The following ANKRD17 variants were observed in gnomAD, a reference collection of about 807,000 sequenced individuals.
ANKRD17 encodes ankyrin repeat domain-containing protein 17.
A neutral mutation model predicts 229.7 loss-of-function variants in ANKRD17; 19 were observed. That is an observed-to-expected ratio of 0.08 (90% confidence interval 0.06 to 0.12). The LOEUF (loss-of-function observed/expected upper bound fraction) is 0.12, where lower values mean the gene tolerates loss of function less well. Ranked by LOEUF, ANKRD17 falls within the 10% of genes least tolerant of loss-of-function variation. The pLI, the probability that ANKRD17 is intolerant of heterozygous loss-of-function variation, is 1.00. For missense variants in ANKRD17, 2,176 were observed against 3,176.8 expected (o/e 0.68, Z 7.57); for synonymous variants, 1,112 against 1,146.1 (o/e 0.97, Z 0.60).
At chr4:73,143,748 TTTTTTG>T (rs886164349) in intron 11 of ANKRD17, among the ~76,000 whole-genome samples, 27 of 152,264 alleles carry the variant, frequency 1.8e-4, no homozygotes, top group Admixed American at 1.6e-3. Context: ...CCTACATCTT[TTTTTTG>T]TTTTGAGACA....
intron 1 of ANKRD17, among the ~76,000 whole-genome samples, chr4:73,179,488 G>GTGTATATATACATATATATA (rs1491132715): frequency 1.5e-4 from 7 of 48,240 alleles, no homozygotes; most frequent in African/African-American, 5.3e-4. Context: ...GTGTGTGTGT[G>GTGTATATATACATATATATA]TATATATATA....
At chr4:73,174,829 CAAATA>C (rs1376822059) in intron 2 of ANKRD17, among the ~76,000 whole-genome samples, 2 of 151,968 alleles carry the variant, frequency 1.3e-5, no homozygotes, top group African/African-American at 2.4e-5. Context: ...ACAATAGCTA[CAAATA>C]AAATAAAATA....
intron 24 of ANKRD17, among the ~76,000 whole-genome samples, chr4:73,105,991 A>AT (rs1724563746): frequency 6.6e-6 from 1 of 152,236 alleles, no homozygotes; most frequent in South Asian, 2.1e-4. Flanking sequence ...GTCCAGAGGC[A>AT]TAAGAAAATA....
chr4:73,208,117 A>T (rs868579635), intron 1 of ANKRD17, among the ~76,000 whole-genome samples: 1 of 132,002 alleles, frequency 7.6e-6, no homozygotes, highest in African/African-American at 2.9e-5. Flanking sequence ...TGAGCCCGGG[A>T]GGCGGAGCTT....
intron 6 of ANKRD17, among the ~76,000 whole-genome samples, chr4:73,151,787 C>T (rs1168543944): frequency 1.3e-5 from 2 of 152,116 alleles, no homozygotes; most frequent in South Asian, 4.1e-4. Flanking sequence ...AAATCCAACA[C>T]CCAAAATGTT....
chr4:73,151,189 T>G (rs1730960300), intron 7 of ANKRD17, among the ~76,000 whole-genome samples: 2 of 152,176 alleles, frequency 1.3e-5, no homozygotes, highest in Non-Finnish European at 2.9e-5. Flanking sequence ...TTTTCCTATT[T>G]CATATCCTCA....
chr4:73,126,986 ATTTAAC>A (rs889396880), intron 16 of ANKRD17, among the ~76,000 whole-genome samples: 4 of 151,692 alleles, frequency 2.6e-5, no homozygotes, highest in Non-Finnish European at 5.9e-5. Flanking sequence ...TTTAAATTGT[ATTTAAC>A]TTTAATTTAA....
intron 25 of ANKRD17, 116 bp from the exon 26 acceptor site, chr4:73,098,636 G>A (rs1723582865): frequency 9.9e-7 from 1 of 1,005,674 alleles, no homozygotes; most frequent in African/African-American, 1.6e-5. Context: ...TATTAGCCAT[G>A]TAAGTTATTC....
intron 2 of ANKRD17, 86 bp from the exon 3 acceptor site, chr4:73,161,434 T>A: frequency 7.3e-7 from 1 of 1,364,114 alleles, no homozygotes; most frequent in Non-Finnish European, 1.0e-6. Flanking sequence ...ATACTGTGTA[T>A]GTTAACAAAT....
intron 1 of ANKRD17, among the ~76,000 whole-genome samples, chr4:73,208,598 G>C (rs1210025632): frequency 6.6e-6 from 1 of 152,174 alleles, no homozygotes; most frequent in Admixed American, 6.5e-5. Context: ...GCACAGGAGA[G>C]AATAGAGTGA....
At chr4:73,220,013 T>C (rs1000028889) in intron 1 of ANKRD17, among the ~76,000 whole-genome samples, 2 of 152,116 alleles carry the variant, frequency 1.3e-5, no homozygotes, top group African/African-American at 4.8e-5. Context: ...AGTTGTTTCA[T>C]GTTTTCATAT....
rs1016171614 is a variant in ANKRD17, at chr4:73,258,443, G to C, written c.226C>G (p.Arg76Gly). The C allele has an allele frequency of 5.0e-6, 8 of 1,609,384 alleles. No homozygotes were observed. The highest frequency in any genetic ancestry group is 6.8e-6 in the Non-Finnish European group (8 of 1,178,930). Reference sequence around the variant, plus strand: ...CTGGGGGGTCGGCAAGTCCGGTTACGCTTGGCCTTGTGGTGCTGCTGCTGC... The same window carrying C: ...CTGGGGGGTCGGCAAGTCCGGTTACCCTTGGCCTTGTGGTGCTGCTGCTGC... ...PPQQQHHKAK[R>G]NRTCRPPSSS... The change falls in exon 1 of 34, where the codon CGT (arginine) becomes GGT (glycine). Residue 76 changes from arginine to glycine, a missense_variant. Arg to Gly is a moderately radical substitution (Grantham distance 125, BLOSUM62 -2). Around this residue, in one of 18 missense-constraint regions of ANKRD17, gnomAD observed 196 missense variants for 190.0 expected, o/e 1.03. Transcript: ENST00000358602.
chr4:73,129,720 C>T (rs1261973930), intron 16 of ANKRD17, among the ~76,000 whole-genome samples: 1 of 149,086 alleles, frequency 6.7e-6, no homozygotes, highest in African/African-American at 2.5e-5. Flanking sequence ...CCTGTCTCAA[C>T]AACAACAACA....
intron 10 of ANKRD17, among the ~76,000 whole-genome samples, chr4:73,145,791 G>A (rs1444396516): frequency 6.6e-6 from 1 of 152,090 alleles, no homozygotes; most frequent in Non-Finnish European, 1.5e-5. Flanking sequence ...TAGACTTAGT[G>A]CTAACACTAA....
intron 2 of ANKRD17, among the ~76,000 whole-genome samples, chr4:73,166,129 G>C (rs926498182): frequency 6.6e-6 from 1 of 152,206 alleles, no homozygotes; most frequent in Non-Finnish European, 1.5e-5. Flanking sequence ...ATGCTGTACA[G>C]TGAAATGAAC....
intron 3 of ANKRD17, among the ~76,000 whole-genome samples, chr4:73,159,103 T>C (rs1732162801): frequency 6.6e-6 from 1 of 152,242 alleles, no homozygotes; most frequent in South Asian, 2.1e-4. Flanking sequence ...ACATGTTAAT[T>C]GTATTGTCCC....
chr4:73,230,507 C>T (rs1408170449), intron 1 of ANKRD17, among the ~76,000 whole-genome samples: 7 of 152,096 alleles, frequency 4.6e-5, no homozygotes, highest in Non-Finnish European at 1.0e-4. Flanking sequence ...AATTAGTCCA[C>T]CTCCAAGAGG....
intron 1 of ANKRD17, among the ~76,000 whole-genome samples, chr4:73,193,532 C>A (rs180801399): frequency 6.6e-6 from 1 of 152,168 alleles, no homozygotes. Flanking sequence ...GCTTTTCCCC[C>A]CTTTGTAGTT....
intron 1 of ANKRD17, among the ~76,000 whole-genome samples, chr4:73,191,341 A>ATATGTG (rs1553933228): frequency 6.8e-4 from 85 of 125,284 alleles, no homozygotes; most frequent in Middle Eastern, 4.2e-3. Context: ...AAAAATATAT[A>ATATGTG]TGTGTGTGTG....
Sources: gnomAD v4.1 joint callset for allele counts (sites outside exome capture counted in the v4.1 genomes callset) on GRCh38, gnomAD v4.1.1 for gene constraint, gnomAD v4.1.1 regional missense constraint, MANE v1.5 for transcripts, NCBI Gene and HGNC (gene_info 2026-07-23, HGNC 2026-07-21) for gene names.